The following TSGA10 variants were observed in gnomAD, a reference collection of about 807,000 sequenced individuals.
TSGA10 encodes testis specific 10.
Under a neutral mutation model 96.6 loss-of-function variants are expected in TSGA10, and 43 were observed. The observed-to-expected ratio is 0.44, with a 90% CI of 0.35 to 0.57. The LOEUF (loss-of-function observed/expected upper bound fraction) is 0.57. TSGA10 is among the 20% of genes least tolerant of loss of function. TSGA10 has a pLI of 0.01. For missense variants in TSGA10, 703 were observed against 834.4 expected (o/e 0.84, Z 1.94); for synonymous variants, 229 against 269.9 (o/e 0.85, Z 1.48).
chr2:99,048,351 C>T (rs1223866993), intron 16 of TSGA10, among the ~76,000 whole-genome samples: 1 of 152,170 alleles, frequency 6.6e-6, no homozygotes, highest in Non-Finnish European at 1.5e-5. Context: ...ACCAAAACAG[C>T]ATGGTACTGG....
At chr2:99,004,820 G>C (rs1267287485) in intron 20 of TSGA10, among the ~76,000 whole-genome samples, 14 of 152,022 alleles carry the variant, frequency 9.2e-5, no homozygotes, top group African/African-American at 2.2e-4. Flanking sequence ...GATACCAAAG[G>C]CTGGCAGAGA....
chr2:99,000,475 A>G (rs1354976301), intron 20 of TSGA10, among the ~76,000 whole-genome samples: 4 of 148,828 alleles, frequency 2.7e-5, no homozygotes, highest in African/African-American at 7.5e-5. Flanking sequence ...CTGCCATTGC[A>G]CTCCAGTCTG....
At chr2:99,113,995 ATAGT>A (rs1359529317) in intron 4 of TSGA10, among the ~76,000 whole-genome samples, 1 of 152,204 alleles carries the variant, frequency 6.6e-6, no homozygotes, top group Non-Finnish European at 1.5e-5. Context: ...GCAATAGCCA[ATAGT>A]TAATATTGAA....
intron 1 of TSGA10, among the ~76,000 whole-genome samples, chr2:99,135,904 G>A (rs1211156630): frequency 6.6e-6 from 1 of 151,850 alleles, no homozygotes; most frequent in Non-Finnish European, 1.5e-5. Flanking sequence ...AGCTACTCGA[G>A]AGGCTGAGGC....
intron 10 of TSGA10, among the ~76,000 whole-genome samples, chr2:99,087,482 G>A (rs901742251): frequency 2.6e-5 from 4 of 152,020 alleles, no homozygotes; most frequent in African/African-American, 7.3e-5. Flanking sequence ...CTCCAGCCTC[G>A]GCAACAAAAG....
At chr2:99,111,429 C>T (rs1017512373) in intron 4 of TSGA10, among the ~76,000 whole-genome samples, 8 of 152,064 alleles carry the variant, frequency 5.3e-5, no homozygotes, top group Admixed American at 5.2e-4. Context: ...ATTATATGTT[C>T]CTACAGGACA....
chr2:99,154,269 A>G (rs986255250), intron 1 of TSGA10: 5 of 152,260 alleles, frequency 3.3e-5, no homozygotes, highest in African/African-American at 1.2e-4. Context: ...GTTATGCAGC[A>G]AAACTTAGCC....
chr2:99,002,553 G>A (rs906365635), intron 20 of TSGA10, among the ~76,000 whole-genome samples: 3 of 152,144 alleles, frequency 2.0e-5, no homozygotes, highest in South Asian at 2.1e-4. Context: ...AAAGACCATC[G>A]AGGCTAAGAA....
intron 20 of TSGA10, among the ~76,000 whole-genome samples, chr2:99,014,166 T>A (rs917113905): frequency 1.3e-5 from 2 of 151,288 alleles, no homozygotes; most frequent in African/African-American, 4.9e-5. Flanking sequence ...AAAAAATAAA[T>A]AAATAAATAA....
chr2:99,082,897 T>C (rs1388361646), intron 10 of TSGA10, among the ~76,000 whole-genome samples: 1 of 151,924 alleles, frequency 6.6e-6, no homozygotes, highest in Non-Finnish European at 1.5e-5. Flanking sequence ...AAATAGAACT[T>C]CACAAAATTA....
chr2:99,043,319 T>C (rs187114144), intron 16 of TSGA10, among the ~76,000 whole-genome samples: 438 of 152,162 alleles, frequency 2.9e-3, no homozygotes, highest in African/African-American at 8.9e-3. Context: ...TTAAAAAAGA[T>C]TGATGAAGAT....
chr2:99,116,984 A>G (rs1343847637), intron 4 of TSGA10: 4 of 152,174 alleles, frequency 2.6e-5, no homozygotes, highest in South Asian at 2.1e-4. Context: ...TATCTTCTCT[A>G]TAACTGTATT....
intron 20 of TSGA10, among the ~76,000 whole-genome samples, chr2:99,001,249 A>G (rs2077880164): frequency 6.6e-6 from 1 of 152,156 alleles, no homozygotes; most frequent in Non-Finnish European, 1.5e-5. Flanking sequence ...TCATACAGCC[A>G]GGTGCCCCTC....
At chr2:99,108,579 A>T (rs2091546445) in intron 7 of TSGA10, among the ~76,000 whole-genome samples, 1 of 152,288 alleles carries the variant, frequency 6.6e-6, no homozygotes, top group Non-Finnish European at 1.5e-5. Flanking sequence ...TTCATATCTT[A>T]TTCCAAAAAT....
intron 1 of TSGA10, among the ~76,000 whole-genome samples, chr2:99,149,841 G>A (rs1331536824): frequency 1.4e-5 from 2 of 147,780 alleles, no homozygotes; most frequent in Non-Finnish European, 3.0e-5. Flanking sequence ...CGCCCAGGCT[G>A]GAGTGCAGTG....
At chr2:99,006,476 T>C (rs1226023104) in intron 20 of TSGA10, among the ~76,000 whole-genome samples, 4 of 151,958 alleles carry the variant, frequency 2.6e-5, no homozygotes, top group Admixed American at 2.0e-4. Context: ...CATCAAAAAG[T>C]GGGTGAAGGA....
At chr2:99,035,685 A>AG (rs1194807857) in intron 16 of TSGA10, among the ~76,000 whole-genome samples, 5 of 151,126 alleles carry the variant, frequency 3.3e-5, no homozygotes, top group Admixed American at 2.0e-4. Context: ...TAATGTACTT[A>AG]GGAAAAAAAA....
intron 2 of TSGA10, among the ~76,000 whole-genome samples, chr2:99,124,450 C>T (rs2092723294): frequency 6.6e-6 from 1 of 152,044 alleles, no homozygotes; most frequent in African/African-American, 2.4e-5. Context: ...TTTAGGTTTA[C>T]AAAAAATTGA....
chr2:99,151,706 TC>T (rs999200067), intron 1 of TSGA10, among the ~76,000 whole-genome samples: 2 of 152,166 alleles, frequency 1.3e-5, no homozygotes, highest in African/African-American at 4.8e-5. Context: ...AACTGCTTTT[TC>T]CCCCCACATA....
Sources: gnomAD v4.1 joint callset for allele counts (sites outside exome capture counted in the v4.1 genomes callset) on GRCh38, gnomAD v4.1.1 for gene constraint, MANE v1.5 for transcripts, NCBI Gene and HGNC (gene_info 2026-07-23, HGNC 2026-07-21) for gene names.